The following SPMIP2 variants were observed in gnomAD, a reference collection of about 807,000 sequenced individuals.
SPMIP2 encodes sperm microtubule inner protein 2.
At chr4:158,974,242 T>C in the SPMIP2 span, among the ~76,000 whole-genome samples, 1 of 148,618 alleles carries the variant, frequency 6.7e-6, no homozygotes, top group East Asian at 2.0e-4. Context: ...AAAAAAAAAA[T>C]CAATGAATTA....
chr4:159,079,023 C>G, the SPMIP2 span, among the ~76,000 whole-genome samples: 26 of 152,232 alleles, frequency 1.7e-4, no homozygotes, highest in Admixed American at 4.6e-4. Flanking sequence ...GAAGCTGAGA[C>G]AGGAGAATCA....
the SPMIP2 span, among the ~76,000 whole-genome samples, chr4:158,976,125 G>A: frequency 5.3e-5 from 8 of 152,076 alleles, no homozygotes; most frequent in African/African-American, 1.9e-4. Context: ...TGTGATTTTT[G>A]CACACTGATT....
the SPMIP2 span, among the ~76,000 whole-genome samples, chr4:159,013,294 C>G: frequency 6.6e-6 from 1 of 152,180 alleles, no homozygotes; most frequent in Non-Finnish European, 1.5e-5. Flanking sequence ...ATGTTAATAG[C>G]AGCATTATTC....
At chr4:159,042,926 G>A in the SPMIP2 span, among the ~76,000 whole-genome samples, 2 of 152,162 alleles carry the variant, frequency 1.3e-5, no homozygotes, top group African/African-American at 4.8e-5. Flanking sequence ...GCCTCCCCAA[G>A]TGCTGGGATT....
the SPMIP2 span, among the ~76,000 whole-genome samples, chr4:159,009,981 A>G: frequency 1.3e-5 from 2 of 152,116 alleles, no homozygotes; most frequent in African/African-American, 4.8e-5. Context: ...ATGACAGAGG[A>G]GACTTTGTCA....
chr4:158,947,537 C>T, the SPMIP2 span, among the ~76,000 whole-genome samples: 1 of 152,144 alleles, frequency 6.6e-6, no homozygotes, highest in Non-Finnish European at 1.5e-5. Flanking sequence ...TTTAGGAGCC[C>T]TAACTACTAA....
chr4:159,045,318 C>T, the SPMIP2 span, among the ~76,000 whole-genome samples: 2 of 151,864 alleles, frequency 1.3e-5, no homozygotes, highest in Non-Finnish European at 2.9e-5. Flanking sequence ...TTTTTAATCT[C>T]AACTTTATAA....
the SPMIP2 span, among the ~76,000 whole-genome samples, chr4:159,021,391 T>C: frequency 0.014 from 2,078 of 152,288 alleles, 28 homozygotes; most frequent in Middle Eastern, 0.048. Flanking sequence ...GTGTCCCGCA[T>C]TGATTTGTGA....
the SPMIP2 span, among the ~76,000 whole-genome samples, chr4:158,974,157 T>C: frequency 6.6e-6 from 1 of 151,610 alleles, no homozygotes; most frequent in South Asian, 2.1e-4. Context: ...ATGGAGAAAA[T>C]TGTTAGATGA....
the SPMIP2 span, among the ~76,000 whole-genome samples, chr4:158,948,837 CAAGT>C: frequency 6.6e-6 from 1 of 152,024 alleles, no homozygotes; most frequent in Admixed American, 6.6e-5. Flanking sequence ...CTCCTGGGCT[CAAGT>C]AATTCAACTG....
At chr4:159,075,471 T>C in the SPMIP2 span, among the ~76,000 whole-genome samples, 1 of 152,220 alleles carries the variant, frequency 6.6e-6, no homozygotes, top group South Asian at 2.1e-4. Context: ...CATTTTGTAA[T>C]TGTGTTTCTA....
At chr4:159,067,529 C>G in the SPMIP2 span, among the ~76,000 whole-genome samples, 3 of 152,266 alleles carry the variant, frequency 2.0e-5, no homozygotes, top group African/African-American at 7.2e-5. Flanking sequence ...CCATGCCCAG[C>G]CAATCAAATG....
At chr4:158,953,976 C>T in the SPMIP2 span, among the ~76,000 whole-genome samples, 35 of 152,272 alleles carry the variant, frequency 2.3e-4, no homozygotes, top group Non-Finnish European at 1.5e-5. Context: ...GGCTCATAGG[C>T]AGAAGGGACT....
At chr4:159,068,211 A>G in the SPMIP2 span, among the ~76,000 whole-genome samples, 1 of 152,182 alleles carries the variant, frequency 6.6e-6, no homozygotes, top group Admixed American at 6.5e-5. Context: ...ACATGCACAC[A>G]TATGTTTATT....
chr4:159,004,851 A>G, the SPMIP2 span, among the ~76,000 whole-genome samples: 2 of 152,078 alleles, frequency 1.3e-5, no homozygotes, highest in African/African-American at 2.4e-5. Flanking sequence ...TACCAGGTCA[A>G]GAGTGGTTTT....
the SPMIP2 span, among the ~76,000 whole-genome samples, chr4:158,994,151 C>T: frequency 6.6e-6 from 1 of 152,154 alleles, no homozygotes; most frequent in South Asian, 2.1e-4. Flanking sequence ...TTTGTAAGCT[C>T]TTGGAGAAGA....
the SPMIP2 span, among the ~76,000 whole-genome samples, chr4:158,962,898 G>A: frequency 8.2e-4 from 125 of 152,284 alleles, 1 homozygote; most frequent in Non-Finnish European, 1.5e-3. Context: ...AGACCCATAC[G>A]TACTTCATTT....
the SPMIP2 span, among the ~76,000 whole-genome samples, chr4:158,970,970 G>A: frequency 0.33 from 50,307 of 151,914 alleles, 8,553 homozygotes; most frequent in South Asian, 0.44. Context: ...AGAGGACCCC[G>A]TTACTCAGCA....
At chr4:158,928,781 G>A in the SPMIP2 span, among the ~76,000 whole-genome samples, 8 of 151,948 alleles carry the variant, frequency 5.3e-5, no homozygotes, top group South Asian at 2.1e-4. Context: ...TAAGGTCTGC[G>A]GCTTCACTCC....
Sources: gnomAD v4.1 joint callset for allele counts (sites outside exome capture counted in the v4.1 genomes callset) on GRCh38, gnomAD v4.1.1 for gene constraint, MANE v1.5 for transcripts, NCBI Gene and HGNC (gene_info 2026-07-23, HGNC 2026-07-21) for gene names.